IQCM: variants seen among roughly 807,000 people sequenced by gnomAD.
IQCM encodes IQ domain-containing protein M.
Under a neutral mutation model 57.6 loss-of-function variants are expected in IQCM, and 45 were observed. That is an observed-to-expected ratio of 0.78 (90% CI 0.62 to 1.00). IQCM has a LOEUF of 1.00. Among genes scored for constraint, IQCM ranks in the 50% least tolerant of loss-of-function variants. The probability of loss-of-function intolerance (pLI) is 0.00; values close to 1 mark genes in which losing one functional copy is unlikely to be tolerated. For synonymous variants in IQCM, 148 were observed against 158.9 expected (o/e 0.93, Z 0.51); for missense variants, 468 against 511.6 (o/e 0.91, Z 0.82).
intron 5 of IQCM, among the ~76,000 whole-genome samples, chr4:149,710,094 T>C (rs139530479): frequency 2.0e-5 from 3 of 152,264 alleles, no homozygotes; most frequent in African/African-American, 7.2e-5. Context: ...ACTAGAAAAG[T>C]TATACACTCA....
intron 2 of IQCM, among the ~76,000 whole-genome samples, chr4:149,765,217 T>C (rs917089802): frequency 2.0e-5 from 3 of 151,798 alleles, no homozygotes; most frequent in Non-Finnish European, 4.4e-5. Flanking sequence ...AAGGTCAGAG[T>C]CTGTCTGGAA....
At position 149,553,214 on chromosome 4, in the gene IQCM, C is replaced by T. The variant is rs566225847; in HGVS notation, c.1022G>A (p.Arg341Gln). 13 of 1,231,898 alleles carry T rather than the reference C, an allele frequency of 1.1e-5. No individual in the cohort carries two copies. The East Asian group carries it at 2.8e-4, about 27-fold the overall frequency. 76.3% of individuals were successfully genotyped at this position (1,231,898 alleles called of 1,614,324 possible). A position where few individuals can be genotyped will look rare whatever the true frequency, so the allele number is the denominator to read the frequency against. The change falls in exon 11 of 14, where the codon CGA (arginine) becomes CAA (glutamine). Residue 341 changes from arginine to glutamine, a missense_variant. Transcript: ENST00000636793. ...TTGTCTTGTCCTCCAAAGACCACGTCGATATCTAACACGGTGGATTAGTCT... is the reference window on the plus strand; with the variant it reads ...TTGTCTTGTCCTCCAAAGACCACGTTGATATCTAACACGGTGGATTAGTCT... ...YGRLIHRVRY[R>Q]RGLWRTRQIL...
intron 2 of IQCM, among the ~76,000 whole-genome samples, chr4:149,786,437 C>T (rs999436766): frequency 3.3e-5 from 5 of 152,090 alleles, no homozygotes; most frequent in Middle Eastern, 3.2e-3. Flanking sequence ...AGACCAAGAA[C>T]AGAACCACCC....
chr4:149,616,017 C>T (rs1755760743), intron 8 of IQCM, among the ~76,000 whole-genome samples: 1 of 152,116 alleles, frequency 6.6e-6, no homozygotes, highest in East Asian at 1.9e-4. Flanking sequence ...TAAAATGGTA[C>T]AGCCACTGTG....
intron 7 of IQCM, among the ~76,000 whole-genome samples, chr4:149,667,121 G>A (rs976793585): frequency 6.6e-5 from 10 of 152,140 alleles, no homozygotes; most frequent in African/African-American, 2.4e-4. Context: ...TGACCCCCAT[G>A]CCTCCTGTCT....
At chr4:149,459,005 T>C (rs1346946979) in intron 12 of IQCM, among the ~76,000 whole-genome samples, 1 of 152,164 alleles carries the variant, frequency 6.6e-6, no homozygotes, top group African/African-American at 2.4e-5. Flanking sequence ...TCAGCACCAC[T>C]AGGTTATAGT....
intron 8 of IQCM, among the ~76,000 whole-genome samples, chr4:149,594,511 T>G (rs1393239713): frequency 6.6e-6 from 1 of 152,200 alleles, no homozygotes; most frequent in Non-Finnish European, 1.5e-5. Context: ...TTGAATGTGT[T>G]TGCTCTTGCT....
chr4:149,354,379 A>AAAAC (rs1728802741), intron 13 of IQCM, among the ~76,000 whole-genome samples: 2 of 142,430 alleles, frequency 1.4e-5, no homozygotes, highest in African/African-American at 2.6e-5. Flanking sequence ...AAAAAAAAAA[A>AAAAC]AAAAAAAAAA....
intron 13 of IQCM, among the ~76,000 whole-genome samples, chr4:149,363,584 G>T (rs1729639228): frequency 6.6e-6 from 1 of 152,024 alleles, no homozygotes; most frequent in South Asian, 2.1e-4. Context: ...AACCCTCACT[G>T]CTCCTAGCTC....
intron 12 of IQCM, among the ~76,000 whole-genome samples, chr4:149,539,365 T>C (rs1044391196): frequency 6.6e-6 from 1 of 152,184 alleles, no homozygotes; most frequent in African/African-American, 2.4e-5. Context: ...GAAGGCTGTC[T>C]AGTCGTTGTC....
chr4:149,797,151 C>T (rs1773184942), intron 2 of IQCM, among the ~76,000 whole-genome samples: 2 of 152,036 alleles, frequency 1.3e-5, no homozygotes, highest in South Asian at 4.2e-4. Flanking sequence ...GTAGAGGAAA[C>T]TCAAAGAAAT....
intron 12 of IQCM, among the ~76,000 whole-genome samples, chr4:149,472,830 G>C (rs200351431): frequency 6.6e-6 from 1 of 151,824 alleles, no homozygotes; most frequent in African/African-American, 2.4e-5. Flanking sequence ...CATCTACAAT[G>C]ATCTGATCTT....
chr4:149,405,901 T>C (rs1369463272), intron 13 of IQCM, among the ~76,000 whole-genome samples: 1 of 147,732 alleles, frequency 6.8e-6, no homozygotes, highest in East Asian at 2.0e-4. Flanking sequence ...TATATATATA[T>C]ATATATATTT....
intron 8 of IQCM, among the ~76,000 whole-genome samples, chr4:149,602,095 T>C (rs1579656662): frequency 7.2e-6 from 1 of 138,212 alleles, no homozygotes; most frequent in East Asian, 2.1e-4. Context: ...GAAATTAGAA[T>C]ACATCAATAA....
chr4:149,704,180 C>T (rs966924977), intron 5 of IQCM, among the ~76,000 whole-genome samples: 2 of 151,798 alleles, frequency 1.3e-5, no homozygotes, highest in Admixed American at 1.3e-4. Flanking sequence ...ATTAACATAT[C>T]ACATACACTA....
intron 8 of IQCM, among the ~76,000 whole-genome samples, chr4:149,609,846 C>G (rs1012762057): frequency 6.6e-6 from 1 of 151,868 alleles, no homozygotes; most frequent in Admixed American, 6.6e-5. Context: ...TGTCCACTTT[C>G]ACCACTTTTA....
At chr4:149,431,064 G>T (rs929847139) in intron 13 of IQCM, among the ~76,000 whole-genome samples, 2 of 151,766 alleles carry the variant, frequency 1.3e-5, no homozygotes, top group African/African-American at 4.8e-5. Context: ...AATTAGCTGG[G>T]TGTGGTGGTG....
chr4:149,576,699 T>C (rs1406014409), intron 9 of IQCM, among the ~76,000 whole-genome samples: 1 of 151,996 alleles, frequency 6.6e-6, no homozygotes, highest in Non-Finnish European at 1.5e-5. Flanking sequence ...AGCATTGCCA[T>C]GAACATACAT....
At chr4:149,725,989 CT>C (rs1765856194) in intron 5 of IQCM, among the ~76,000 whole-genome samples, 1 of 151,734 alleles carries the variant, frequency 6.6e-6, no homozygotes, top group African/African-American at 2.4e-5. Flanking sequence ...TTATTCTACC[CT>C]TCACATACCC....
Sources: allele counts gnomAD v4.1 joint callset (sites outside exome capture counted in the v4.1 genomes callset), GRCh38; gene constraint gnomAD v4.1.1; transcripts MANE v1.5; gene names NCBI Gene and HGNC (gene_info 2026-07-23, HGNC 2026-07-21).